AGXT2: variants seen among roughly 807,000 people sequenced by gnomAD.
AGXT2 encodes the protein alanine--glyoxylate aminotransferase 2, mitochondrial.
A neutral mutation model predicts 62.5 loss-of-function variants in AGXT2; 61 were observed. That is an observed-to-expected ratio of 0.98 (90% confidence interval 0.79 to 1.21). The LOEUF (loss-of-function observed/expected upper bound fraction) is 1.21, where lower values mean the gene tolerates loss of function less well. Among genes scored for constraint, AGXT2 ranks in the 50% most tolerant of loss-of-function variants. AGXT2 has a pLI of 0.00. For missense variants in AGXT2, 666 were observed against 641.5 expected, an observed-to-expected ratio of 1.04 and a Z score of -0.41; for synonymous variants, 243 against 218.7, an observed-to-expected ratio of 1.11 and a Z score of -0.98.
At chr5:35,033,256 ACT>A (rs1767637847) in intron 6 of AGXT2, 1 of 576,264 alleles carries the variant, frequency 1.7e-6, no homozygotes, top group Non-Finnish European at 3.1e-6. Flanking sequence ...ACATTTTAAA[ACT>A]CTGTCATTAA....
chr5:35,043,687 C>A (rs1321914178), intron 1 of AGXT2, among the ~76,000 whole-genome samples: 1 of 152,092 alleles, frequency 6.6e-6, no homozygotes, highest in African/African-American at 2.4e-5. Flanking sequence ...CACCAGCCAC[C>A]ATGCCCAGCT....
intron 9 of AGXT2, among the ~76,000 whole-genome samples, chr5:35,020,106 A>T (rs1477505751): frequency 6.6e-6 from 1 of 152,254 alleles, no homozygotes; most frequent in African/African-American, 2.4e-5. Flanking sequence ...AAAAGAGTCC[A>T]GGACCAGAAG....
intron 3 of AGXT2, 43 bp from the exon 4 acceptor site, chr5:35,037,108 G>A (rs375239836): frequency 1.9e-5 from 31 of 1,612,186 alleles, no homozygotes; most frequent in African/African-American, 6.7e-5. Flanking sequence ...TGCGTGCCAC[G>A]TCCCTCCTGC....
intron 9 of AGXT2, among the ~76,000 whole-genome samples, chr5:35,019,652 A>G (rs1766990934): frequency 1.3e-5 from 2 of 152,204 alleles, no homozygotes; most frequent in Non-Finnish European, 2.9e-5. Flanking sequence ...CCCTAACATC[A>G]CAATTAAAAG....
intron 9 of AGXT2, among the ~76,000 whole-genome samples, chr5:35,022,339 A>G (rs1389087308): frequency 1.3e-5 from 2 of 151,966 alleles, no homozygotes; most frequent in Non-Finnish European, 2.9e-5. Context: ...TCCAACAATG[A>G]TAGACTGGAT....
intron 9 of AGXT2, among the ~76,000 whole-genome samples, chr5:35,020,907 C>G (rs1399661838): frequency 1.3e-5 from 2 of 152,106 alleles, no homozygotes; most frequent in Non-Finnish European, 2.9e-5. Flanking sequence ...ACAAAAATCA[C>G]AAGCATTCTT....
intron 13 of AGXT2, among the ~76,000 whole-genome samples, chr5:35,003,418 T>C (rs1979723): frequency 0.091 from 13,850 of 152,162 alleles, 814 homozygotes; most frequent in Middle Eastern, 0.15. Flanking sequence ...ATACAGGAGA[T>C]AGATTATTTA....
At chr5:35,000,746 A>G (rs1245681609) in intron 13 of AGXT2, among the ~76,000 whole-genome samples, 1 of 152,206 alleles carries the variant, frequency 6.6e-6, no homozygotes, top group African/African-American at 2.4e-5. Context: ...CTTCTCATCT[A>G]GACATTAGAC....
chr5:35,039,239 C>T, intron 3 of AGXT2, 85 bp downstream of exon 3: 6 of 1,458,874 alleles, frequency 4.1e-6, no homozygotes, highest in Middle Eastern at 2.0e-4. Context: ...CCAAGATAAG[C>T]AAATCAAGAG....
chr5:35,026,388 T>C (rs1767349386), intron 8 of AGXT2, 22 bp downstream of exon 8: 4 of 1,581,466 alleles, frequency 2.5e-6, no homozygotes, highest in Non-Finnish European at 3.5e-6. Flanking sequence ...GCTCCATTAA[T>C]GTCTAAGGTT....
rs80161871 is a variant in AGXT2 at position 35,005,763 on chromosome 5, T to G, written c.1339-1902A>C. Among the ~76,000 whole-genome samples the G allele has an allele frequency of 5.2e-4, 79 of 152,134 alleles. 1 individual carries two copies. Among genetic ancestry groups the G allele is most frequent in the African/African-American group, 1.7e-3 (71 of 41,488 alleles). On this transcript the variant is annotated intron_variant, in intron 12 of 13. Transcript: ENST00000231420. ...TGCCCATGCCTGTGCCCCAACTGCTTGATAATGAAGTGGGCATGCTAGTAA... is the reference window on the plus strand; with the variant it reads ...TGCCCATGCCTGTGCCCCAACTGCTGGATAATGAAGTGGGCATGCTAGTAA...
chr5:35,001,945 G>A (rs936142288), intron 13 of AGXT2, among the ~76,000 whole-genome samples: 15 of 151,982 alleles, frequency 9.9e-5, no homozygotes, highest in East Asian at 3.9e-4. Flanking sequence ...ATTTATCACC[G>A]TATTAGGTTG....
intron 8 of AGXT2, chr5:35,026,059 G>A: frequency 1.6e-6 from 1 of 615,646 alleles, no homozygotes; most frequent in Non-Finnish European, 2.9e-6. Context: ...TGCAAACATT[G>A]ATTATTTTCT....
At chr5:35,045,741 T>C (rs1481955071) in intron 1 of AGXT2, among the ~76,000 whole-genome samples, 1 of 147,926 alleles carries the variant, frequency 6.8e-6, no homozygotes, top group Non-Finnish European at 1.5e-5. Context: ...CTAGGTAGTG[T>C]GGTTTTTTTC....
Position 35,009,991 on chromosome 5 carries a change from A to G in AGXT2, c.1338+9T>C. The G allele has an allele frequency of 6.2e-7, 1 of 1,614,216 alleles. No individual in the cohort carries two copies. Among genetic ancestry groups the G allele is most frequent in the Non-Finnish European group, 8.5e-7 (1 of 1,180,036 alleles). On this transcript the variant is annotated intron_variant, in intron 12 of 13. Transcript: ENST00000231420. ...AGCAGCTGAGAGAGAGGGGCAGATT[A>G]GCACCTACCTTATCCTGCACCATTT...
At chr5:35,018,130 C>T (rs1309263588) in intron 9 of AGXT2, among the ~76,000 whole-genome samples, 2 of 152,168 alleles carry the variant, frequency 1.3e-5, no homozygotes, top group African/African-American at 2.4e-5. Flanking sequence ...GAGAATGGAA[C>T]CAAGTTGGAG....
intron 9 of AGXT2, among the ~76,000 whole-genome samples, chr5:35,024,505 C>G (rs542596738): frequency 2.6e-5 from 4 of 152,290 alleles, no homozygotes; most frequent in African/African-American, 7.2e-5. Context: ...ACATAGCCAA[C>G]GAATTTTCTT....
chr5:35,041,079 C>T (rs1767968057), intron 1 of AGXT2, among the ~76,000 whole-genome samples: 2 of 151,914 alleles, frequency 1.3e-5, no homozygotes, highest in African/African-American at 4.8e-5. Context: ...GTAGCCAGTG[C>T]CTGGTACCTG....
intron 7 of AGXT2, among the ~76,000 whole-genome samples, chr5:35,032,255 C>G (rs1046226675): frequency 4.0e-5 from 6 of 150,898 alleles, no homozygotes; most frequent in African/African-American, 1.5e-4. Flanking sequence ...CCCCGCCGGG[C>G]CTTGCTCTTT....
Sources: gnomAD v4.1 joint callset for allele counts (sites outside exome capture counted in the v4.1 genomes callset) on GRCh38, gnomAD v4.1.1 for gene constraint, MANE v1.5 for transcripts, NCBI Gene and HGNC (gene_info 2026-07-23, HGNC 2026-07-21) for gene names.